The following FRMD5 variants were observed in gnomAD, a reference collection of about 807,000 sequenced individuals.
FRMD5 encodes FERM domain containing 5.
A neutral mutation model predicts 69.0 loss-of-function variants in FRMD5; 20 were observed. That is an observed-to-expected ratio of 0.29 (90% CI 0.20 to 0.42). The LOEUF is 0.42. Ranked by LOEUF, FRMD5 falls within the 10% of genes least tolerant of loss-of-function variation. The probability of loss-of-function intolerance (pLI) is 1.00; values close to 1 mark genes in which losing one functional copy is unlikely to be tolerated. For synonymous variants in FRMD5, 271 were observed against 260.1 expected (o/e 1.04, Z -0.40); for missense variants, 595 against 708.6 (o/e 0.84, Z 1.82).
In FRMD5 at chr15:43,961,828, GA is replaced by G. The variant is rs2090206460; in HGVS notation, c.103-37520del. ...CCACATGATTATCTCAATAGATGCA[GA>G]AAAGGCCTTTGACAAAATTCAACAA... On this transcript the variant is annotated intron_variant, in intron 1 of 13. Transcript: ENST00000417257. Among the ~76,000 whole-genome samples the G allele has an allele frequency of 3.3e-5, 5 of 152,240 alleles. No homozygotes were observed. The South Asian group carries it at 1.0e-3, about 32-fold the overall frequency.
intron 1 of FRMD5, among the ~76,000 whole-genome samples, chr15:43,968,058 AT>A (rs998527572): frequency 6.6e-6 from 1 of 151,444 alleles, no homozygotes; most frequent in Admixed American, 6.6e-5. Flanking sequence ...AAAAAGGAAG[AT>A]TTTTTTCCAT....
intron 1 of FRMD5, among the ~76,000 whole-genome samples, chr15:44,043,180 A>T (rs1025150250): frequency 6.6e-6 from 1 of 152,230 alleles, no homozygotes; most frequent in Non-Finnish European, 1.5e-5. Context: ...CACTATTGCT[A>T]CAAAGAGAAT....
At chr15:43,950,779 G>A (rs2090014337) in intron 1 of FRMD5, among the ~76,000 whole-genome samples, 1 of 152,208 alleles carries the variant, frequency 6.6e-6, no homozygotes, top group Non-Finnish European at 1.5e-5. Flanking sequence ...TACTCCAGCT[G>A]CCTTGCTCAG....
intron 1 of FRMD5, among the ~76,000 whole-genome samples, chr15:43,941,151 G>C (rs920339539): frequency 1.3e-5 from 2 of 152,174 alleles, no homozygotes; most frequent in Non-Finnish European, 2.9e-5. Context: ...CGGATTGCTT[G>C]AGCCCAGCAG....
chr15:43,878,899 G>GGATA (rs2088439683), intron 13 of FRMD5, among the ~76,000 whole-genome samples: 1 of 151,106 alleles, frequency 6.6e-6, no homozygotes, highest in Non-Finnish European at 1.5e-5. Context: ...ACAAGATAAT[G>GGATA]GATAGATAGG....
intron 1 of FRMD5, among the ~76,000 whole-genome samples, chr15:44,168,303 C>T (rs1343764925): frequency 6.6e-6 from 1 of 152,178 alleles, no homozygotes; most frequent in Non-Finnish European, 1.5e-5. Context: ...GCAGTAAATA[C>T]TGGCATTTTA....
intron 1 of FRMD5, among the ~76,000 whole-genome samples, chr15:43,970,019 T>C (rs191096296): frequency 1.3e-5 from 2 of 152,170 alleles, no homozygotes; most frequent in African/African-American, 2.4e-5. Context: ...ACAAACTGCA[T>C]TTGACAAAAT....
chr15:43,951,985 TG>T (rs1566857282), intron 1 of FRMD5, among the ~76,000 whole-genome samples: 2,112 of 114,860 alleles, frequency 0.018, 64 homozygotes, highest in African/African-American at 0.098. Context: ...GTGTGTTGTG[TG>T]TGTGTGTGTG....
chr15:44,160,395 T>C (rs1006366584), intron 1 of FRMD5, among the ~76,000 whole-genome samples: 2 of 152,070 alleles, frequency 1.3e-5, no homozygotes, highest in Admixed American at 6.6e-5. Flanking sequence ...TTTTGCAGGA[T>C]AGAACAGAAC....
At chr15:43,989,919 G>A (rs551354718) in intron 1 of FRMD5, 1 of 1,144,944 alleles carries the variant, frequency 8.7e-7, no homozygotes. Context: ...TGTAGAAGGT[G>A]TGGTGCCAGA....
chr15:43,880,393 T>C lies in FRMD5; in HGVS notation c.1135+3310A>G, dbSNP rs570949917. On this transcript the variant is annotated intron_variant, in intron 13 of 13. Coordinates refer to ENST00000417257, the MANE Select transcript of FRMD5 (RefSeq NM_032892.5). ...TCCCTCCCTGGTTGGGGTGGGCAGT[T>C]AGTTAGGGTCAGCAGTGCCTGTCAG... Among the ~76,000 whole-genome samples, 78 of 152,236 alleles carry C rather than the reference T, an allele frequency of 5.1e-4. 2 individuals are homozygous for C. In the South Asian group the frequency reaches 7.1e-3, roughly 14 times the overall value.
intron 2 of FRMD5, among the ~76,000 whole-genome samples, chr15:43,921,051 G>C (rs773673842): frequency 2.6e-5 from 4 of 152,160 alleles, no homozygotes; most frequent in African/African-American, 2.4e-5. Flanking sequence ...GAGTTCCCAC[G>C]AGGCTGGCAA....
At chr15:43,883,864 G>T in intron 12 of FRMD5, 55 bp from the exon 13 acceptor site, 2 of 1,341,318 alleles carry the variant, frequency 1.5e-6, no homozygotes, top group Non-Finnish European at 2.1e-6. Context: ...CATTTGGTAG[G>T]CACTTAAGAA....
At chr15:43,904,954 T>TG (rs901236183) in intron 6 of FRMD5, among the ~76,000 whole-genome samples, 9 of 150,964 alleles carry the variant, frequency 6.0e-5, no homozygotes, top group East Asian at 1.9e-4. Flanking sequence ...AGGTAGGGTA[T>TG]GGGGGGGGCC....
chr15:44,120,051 G>C (rs1257393255), intron 1 of FRMD5, among the ~76,000 whole-genome samples: 1 of 152,164 alleles, frequency 6.6e-6, no homozygotes, highest in Non-Finnish European at 1.5e-5. Flanking sequence ...TATGACTGGA[G>C]CATAGAACAC....
chr15:44,083,705 G>A (rs1408484915), intron 1 of FRMD5, among the ~76,000 whole-genome samples: 3 of 151,934 alleles, frequency 2.0e-5, no homozygotes, highest in East Asian at 1.9e-4. Context: ...GGAATAAAAC[G>A]GGACACATGG....
intron 1 of FRMD5, among the ~76,000 whole-genome samples, chr15:44,057,137 A>ATT (rs57462426): frequency 7.7e-4 from 113 of 147,086 alleles, no homozygotes; most frequent in African/African-American, 2.7e-3. Context: ...GAACTGTTCT[A>ATT]TTTTTTTTTT....
chr15:44,146,713 T>C (rs1270886745), intron 1 of FRMD5, among the ~76,000 whole-genome samples: 2 of 152,216 alleles, frequency 1.3e-5, no homozygotes, highest in Non-Finnish European at 1.5e-5. Flanking sequence ...TGGTATCTCA[T>C]TGTGGTTTTT....
intron 1 of FRMD5, among the ~76,000 whole-genome samples, chr15:44,060,677 T>C (rs1893053046): frequency 6.6e-6 from 1 of 151,812 alleles, no homozygotes; most frequent in African/African-American, 2.4e-5. Context: ...CATTCCATAA[T>C]GGAACAAGAG....
Sources: allele counts gnomAD v4.1 joint callset (sites outside exome capture counted in the v4.1 genomes callset), GRCh38; gene constraint gnomAD v4.1.1; transcripts MANE v1.5; gene names NCBI Gene and HGNC (gene_info 2026-07-23, HGNC 2026-07-21).